Variants in SLC47A2 observed in about 807,000 individuals in gnomAD.
The protein encoded by SLC47A2 is solute carrier family 47 member 2.
Under a neutral mutation model 67.7 loss-of-function variants are expected in SLC47A2, and 52 were observed. The observed-to-expected ratio is 0.77, with a 90% CI of 0.61 to 0.97. SLC47A2 has a LOEUF of 0.97. Among genes scored for constraint, SLC47A2 ranks in the 50% least tolerant of loss-of-function variants. SLC47A2 has a pLI of 0.00. For synonymous variants in SLC47A2, 278 were observed against 292.9 expected (o/e 0.95, Z 0.52); for missense variants, 676 against 712.3 (o/e 0.95, Z 0.58).
At chr17:19,707,575 T>C (rs1356285341) in intron 8 of SLC47A2, among the ~76,000 whole-genome samples, 171 bp downstream of exon 8, 1 of 152,068 alleles carries the variant, frequency 6.6e-6, no homozygotes, top group Non-Finnish European at 1.5e-5. Context: ...GTGGAGGGAC[T>C]CTGGGCCCTT....
At chr17:19,691,862 A>G (rs1038713513) in intron 13 of SLC47A2, among the ~76,000 whole-genome samples, 2 of 152,250 alleles carry the variant, frequency 1.3e-5, no homozygotes, top group African/African-American at 4.8e-5. Context: ...CCATAAATAT[A>G]TACATCTAAT....
At chr17:19,679,870 T>TG in intron 16 of SLC47A2, 82 bp downstream of exon 16, 1 of 1,357,026 alleles carries the variant, frequency 7.4e-7, no homozygotes, top group African/African-American at 1.5e-5. Context: ...TCCAATTGCA[T>TG]GAGGCACAGA....
rs190933548 is a variant in SLC47A2, at chr17:19,697,180, C to T, written c.1164+5425G>A. ...GGTGTAGGTGGTGCATGCCTGTAGT[C>T]CCAGCTACTCGGGAGGCTGAGGCAG... On this transcript the variant is annotated intron_variant, in intron 13 of 16. Transcript: ENST00000433844. 4.6e-3 allele frequency among the ~76,000 whole-genome samples: 702 copies of T among 152,238 alleles called. 4 individuals are homozygous for T. The highest frequency in any genetic ancestry group is 0.017 in the Middle Eastern group (5 of 294).
chr17:19,692,242 GA>G (rs1761786925), intron 13 of SLC47A2: 4 of 398,882 alleles, frequency 1.0e-5, no homozygotes, highest in South Asian at 5.4e-5. Flanking sequence ...AAAAAAAAAA[GA>G]AAAAGAAAAG....
At chr17:19,713,790 G>A in intron 4 of SLC47A2, 35 bp downstream of exon 4, 1 of 1,591,190 alleles carries the variant, frequency 6.3e-7, no homozygotes. Flanking sequence ...GGGTTTCCCA[G>A]CAAGCCCCAC....
Position 19,708,321 on chromosome 17 carries a change from C to T in SLC47A2, c.610G>A (p.Val204Met). The change falls in exon 7 of 17, where the codon GTG (valine) becomes ATG (methionine). Residue 204 changes from valine (V) to methionine (M), a missense_variant. Val to Met is a conservative substitution (Grantham distance 21, BLOSUM62 1). Coordinates refer to ENST00000433844, the MANE Select transcript of SLC47A2 (RefSeq NM_001099646.3). ...GCTCACCTGACCCCCAGGTTCAGCA[C>T]AGAAACCAGGGCATAGTTGGCCACA... The part of the protein sequence containing the change: ...NGVANYALVS[V>M]LNLGVRGSAY... 6.2e-7 allele frequency: 1 copy of T among 1,613,228 alleles called. No individual in the cohort carries two copies.
chr17:19,709,839 C>A (rs1460790782), intron 5 of SLC47A2, among the ~76,000 whole-genome samples: 2 of 152,100 alleles, frequency 1.3e-5, no homozygotes, highest in Non-Finnish European at 2.9e-5. Context: ...CCCGACCCAG[C>A]CCCAAAAATC....
At chr17:19,690,104 A>G (rs1437614182) in intron 13 of SLC47A2, among the ~76,000 whole-genome samples, 3 of 152,212 alleles carry the variant, frequency 2.0e-5, no homozygotes, top group Non-Finnish European at 2.9e-5. Context: ...TAGAGAACCC[A>G]GAAGTAAATC....
At chr17:19,716,188 C>A in intron 1 of SLC47A2, 3 of 525,424 alleles carry the variant, frequency 5.7e-6, no homozygotes, top group Non-Finnish European at 9.7e-6. Context: ...AGCTGAGGCA[C>A]ACCCACCCCT....
chr17:19,681,080 G>A (rs2085301753), intron 15 of SLC47A2, among the ~76,000 whole-genome samples: 2 of 152,180 alleles, frequency 1.3e-5, no homozygotes, highest in Admixed American at 1.3e-4. Flanking sequence ...GGGCGTGGTG[G>A]CGGGTGCCTG....
At chr17:19,702,111 A>G (rs2085800390) in intron 13 of SLC47A2, 2 of 948,376 alleles carry the variant, frequency 2.1e-6, no homozygotes, top group East Asian at 2.3e-4. Context: ...CCTGTCTCAA[A>G]AAAAAAAAAA....
At chr17:19,708,153 G>T in intron 7 of SLC47A2, 149 bp downstream of exon 7, 1 of 864,124 alleles carries the variant, frequency 1.2e-6, no homozygotes. Context: ...AGGTCCCCAA[G>T]GGACCATCAG....
At chr17:19,698,091 AT>A (rs1317395247) in intron 13 of SLC47A2, among the ~76,000 whole-genome samples, 1 of 152,158 alleles carries the variant, frequency 6.6e-6, no homozygotes, top group East Asian at 1.9e-4. Context: ...TTTTGTAGAT[AT>A]TGACAAACTG....
At chr17:19,690,695 A>G (rs2386142) in intron 13 of SLC47A2, among the ~76,000 whole-genome samples, 93,617 of 152,024 alleles carry the variant, frequency 0.62, 29,444 homozygotes, top group East Asian at 0.98. Flanking sequence ...ATATGAAAAG[A>G]TGCCCAACAT....
At chr17:19,684,968 GCCGAGTGCCTGGGATT>G (rs1296058889) in intron 13 of SLC47A2, among the ~76,000 whole-genome samples, 6 of 152,108 alleles carry the variant, frequency 3.9e-5, no homozygotes, top group African/African-American at 1.4e-4. Context: ...GCCCCGGCCT[GCCGAGTGCCTGGGATT>G]CCAGGCACGC....
intron 6 of SLC47A2, 52 bp from the exon 7 acceptor site, chr17:19,708,451 G>A (rs2086004975): frequency 6.2e-7 from 1 of 1,614,170 alleles, no homozygotes; most frequent in Non-Finnish European, 8.5e-7. Flanking sequence ...ATGGATGGAG[G>A]ATGGACAAAC....
chr17:19,695,515 C>CAAAAAAAAA (rs201305334), intron 13 of SLC47A2, among the ~76,000 whole-genome samples: 7 of 91,384 alleles, frequency 7.7e-5, no homozygotes, highest in African/African-American at 1.5e-4. Context: ...AAAAAAACAG[C>CAAAAAAAAA]AAAAAAAAAA....
chr17:19,681,618 G>A lies in SLC47A2; in HGVS notation c.1217C>T (p.Ala406Val). 1 of 1,614,188 alleles carries A rather than the reference G, an allele frequency of 6.2e-7. No homozygotes were observed. The highest frequency in any genetic ancestry group is 8.5e-7 in the Non-Finnish European group (1 of 1,180,026). ...RGTGKQAFGA[A>V]VNAITYYIIG... The stretch of plus-strand genomic sequence containing the variant: ...GATGTAATATGTGATGGCATTCACA[G>A]CGGCACCAAAGGCCTGCTTCCCAGT... Residue 406 changes from alanine to valine, a missense_variant, in exon 14 of 17, where the codon GCT (alanine) becomes GTT (valine). Physicochemically the swap from Ala to Val is moderately conservative, Grantham distance 64. Coordinates refer to ENST00000433844, the MANE Select transcript of SLC47A2 (RefSeq NM_001099646.3).
chr17:19,679,040 G>GA (rs1333885511), intron 16 of SLC47A2, 134 bp from the exon 17 acceptor site: 67 of 670,938 alleles, frequency 1.0e-4, no homozygotes, highest in Non-Finnish European at 8.7e-5. Flanking sequence ...CTATACAGTA[G>GA]AAAAATAACT....
Sources: gnomAD v4.1 joint callset for allele counts (sites outside exome capture counted in the v4.1 genomes callset) on GRCh38, gnomAD v4.1.1 for gene constraint, MANE v1.5 for transcripts, NCBI Gene and HGNC (gene_info 2026-07-23, HGNC 2026-07-21) for gene names.